FAF1: variants seen among roughly 807,000 people sequenced by gnomAD.
The protein encoded by FAF1 is FAS-associated factor 1.
FAF1 carries 25 observed loss-of-function variants against 92.5 expected under a neutral mutation model. The ratio of observed to expected loss-of-function variants is 0.27; its 90% CI spans 0.20 to 0.38. The LOEUF (loss-of-function observed/expected upper bound fraction) is 0.38. Ranked by LOEUF, FAF1 falls within the 10% of genes least tolerant of loss-of-function variation. The pLI is 1.00. For synonymous variants in FAF1, 234 were observed against 273.2 expected, an observed-to-expected ratio of 0.86 and a Z score of 1.42; for missense variants, 636 against 793.3, an observed-to-expected ratio of 0.80 and a Z score of 2.38.
intron 1 of FAF1, among the ~76,000 whole-genome samples, chr1:50,895,507 CA>C (rs1644751242): frequency 6.6e-6 from 1 of 152,152 alleles, no homozygotes; most frequent in African/African-American, 2.4e-5. Flanking sequence ...AGAATACTTA[CA>C]AACTCATTCT....
intron 4 of FAF1, among the ~76,000 whole-genome samples, chr1:50,786,841 T>G (rs1335939809): frequency 1.3e-5 from 2 of 152,238 alleles, no homozygotes; most frequent in Non-Finnish European, 2.9e-5. Context: ...TGTTAAAGAT[T>G]TGAATTATAT....
intron 3 of FAF1, 140 bp from the exon 4 acceptor site, chr1:50,788,345 T>G (rs1337437164): frequency 3.0e-6 from 2 of 667,676 alleles, no homozygotes; most frequent in African/African-American, 1.8e-5. Flanking sequence ...CAGACTTGAG[T>G]TCTACTTCCT....
intron 1 of FAF1, among the ~76,000 whole-genome samples, chr1:50,931,909 TAA>T (rs1645051210): frequency 7.1e-6 from 1 of 140,466 alleles, no homozygotes; most frequent in African/African-American, 2.5e-5. Context: ...ATAATAATAA[TAA>T]TAATAATAAT....
intron 18 of FAF1, among the ~76,000 whole-genome samples, chr1:50,449,973 T>A (rs987519170): frequency 4.6e-5 from 7 of 151,744 alleles, no homozygotes; most frequent in South Asian, 2.1e-4. Flanking sequence ...GGCAGGCAGA[T>A]CACTTGAGGT....
chr1:50,655,859 T>A (rs916075913), intron 7 of FAF1, among the ~76,000 whole-genome samples: 1 of 152,194 alleles, frequency 6.6e-6, no homozygotes, highest in African/African-American at 2.4e-5. Flanking sequence ...ATTTTTATAA[T>A]TTATTTAATC....
chr1:50,645,056 G>T (rs1654520617), intron 8 of FAF1, among the ~76,000 whole-genome samples: 1 of 152,158 alleles, frequency 6.6e-6, no homozygotes, highest in Non-Finnish European at 1.5e-5. Context: ...TTTCAAAGCT[G>T]TTCTTTCCAT....
At chr1:50,836,642 T>C (rs1334368186) in intron 2 of FAF1, among the ~76,000 whole-genome samples, 1 of 152,194 alleles carries the variant, frequency 6.6e-6, no homozygotes, top group Non-Finnish European at 1.5e-5. Flanking sequence ...ACAAGTTTAC[T>C]TTCATCCTTT....
At chr1:50,614,738 C>G (rs757097524) in intron 8 of FAF1, among the ~76,000 whole-genome samples, 107 of 150,936 alleles carry the variant, frequency 7.1e-4, no homozygotes, top group Non-Finnish European at 1.1e-3. Flanking sequence ...ACTAGGGAGG[C>G]TGAGGCAGGA....
chr1:50,675,200 C>T (rs1022136614), intron 7 of FAF1, among the ~76,000 whole-genome samples: 3 of 152,142 alleles, frequency 2.0e-5, no homozygotes, highest in Admixed American at 6.5e-5. Context: ...AGACCTTGTA[C>T]ATTTTCAAGT....
At chr1:50,756,534 C>T (rs985994669) in intron 4 of FAF1, among the ~76,000 whole-genome samples, 10 of 152,228 alleles carry the variant, frequency 6.6e-5, no homozygotes, top group Non-Finnish European at 1.5e-4. Flanking sequence ...TGCGTGTTAC[C>T]CAGTTCCAAA....
intron 6 of FAF1, among the ~76,000 whole-genome samples, chr1:50,723,712 G>A (rs779490863): frequency 1.3e-5 from 2 of 152,146 alleles, no homozygotes; most frequent in East Asian, 3.9e-4. Flanking sequence ...AGAAGTTCAA[G>A]ACCAGCCTGG....
chr1:50,563,422 C>G (rs1650024812), intron 13 of FAF1, among the ~76,000 whole-genome samples: 1 of 150,526 alleles, frequency 6.6e-6, no homozygotes, highest in South Asian at 2.1e-4. Context: ...GAGACCTTGT[C>G]TCTTAAAAAA....
intron 13 of FAF1, among the ~76,000 whole-genome samples, chr1:50,546,689 C>T (rs1572823935): frequency 6.6e-6 from 1 of 152,094 alleles, no homozygotes; most frequent in East Asian, 1.9e-4. Flanking sequence ...TACAAAATAA[C>T]CTCTGGATGG....
chr1:50,924,992 T>A (rs1644994046), intron 1 of FAF1, among the ~76,000 whole-genome samples: 1 of 151,894 alleles, frequency 6.6e-6, no homozygotes, highest in Non-Finnish European at 1.5e-5. Context: ...TCAAAAAACA[T>A]AACAAAACAA....
In FAF1 at chr1:50,596,163, T is replaced by C. The variant is rs749026152; in HGVS notation, c.798A>G (p.Gly266=). ...GGGTCTGTGCAGGTGAAGATCTTCTTCCCACTGTAAGTCGATGGCAGGGAT... is the reference window on the plus strand; with the variant it reads ...GGGTCTGTGCAGGTGAAGATCTTCTCCCCACTGTAAGTCGATGGCAGGGAT... ...LSYPCHRLTV[G]RRSSPAQTRE... Residue 266 remains glycine (G), a synonymous_variant, in exon 9 of 19, where the codon GGA becomes GGG. Transcript: ENST00000396153. 4.6e-5 allele frequency: 75 copies of C among 1,613,934 alleles called. No homozygotes were observed. Among genetic ancestry groups the C allele is most frequent in the Admixed American group, 6.7e-5 (4 of 60,004 alleles).
At chr1:50,850,097 T>A (rs1644335363) in intron 2 of FAF1, among the ~76,000 whole-genome samples, 1 of 151,778 alleles carries the variant, frequency 6.6e-6, no homozygotes, top group Non-Finnish European at 1.5e-5. Context: ...AAGATGAAAT[T>A]TGGATAGTTC....
intron 8 of FAF1, among the ~76,000 whole-genome samples, chr1:50,623,631 A>C (rs1202222821): frequency 6.6e-6 from 1 of 151,668 alleles, no homozygotes; most frequent in Non-Finnish European, 1.5e-5. Flanking sequence ...AGGTTTAAAA[A>C]AATTCCTCAT....
intron 7 of FAF1, among the ~76,000 whole-genome samples, chr1:50,659,661 T>G (rs777847724): frequency 6.6e-6 from 1 of 152,216 alleles, no homozygotes; most frequent in African/African-American, 2.4e-5. Flanking sequence ...TTGTTTTACA[T>G]GCAAATGTTT....
intron 15 of FAF1, among the ~76,000 whole-genome samples, chr1:50,512,131 G>C (rs962967742): frequency 1.7e-4 from 26 of 152,054 alleles, no homozygotes; most frequent in African/African-American, 6.3e-4. Flanking sequence ...TGTAGATTCT[G>C]GTATTAGCCC....
Sources: gnomAD v4.1 joint callset for allele counts (sites outside exome capture counted in the v4.1 genomes callset) on GRCh38, gnomAD v4.1.1 for gene constraint, MANE v1.5 for transcripts, NCBI Gene and HGNC (gene_info 2026-07-23, HGNC 2026-07-21) for gene names.